FHIT: variants seen among roughly 807,000 people sequenced by gnomAD.
FHIT encodes bis(5'-adenosyl)-triphosphatase.
In FHIT, 19 loss-of-function variants were observed where a neutral mutation model predicts 17.9. That is an observed-to-expected ratio of 1.06 (90% CI 0.74 to 1.56). The LOEUF is 1.56. Ranked by LOEUF, FHIT falls within the 40% of genes most tolerant of loss-of-function variation. The pLI is 0.00. For synonymous variants in FHIT, 81 were observed against 69.7 expected, an observed-to-expected ratio of 1.16 and a Z score of -0.81; for missense variants, 248 against 189.2, an observed-to-expected ratio of 1.31 and a Z score of -1.82.
intron 5 of FHIT, among the ~76,000 whole-genome samples, chr3:60,228,786 T>C (rs1704343582): frequency 6.6e-6 from 1 of 152,204 alleles, no homozygotes; most frequent in Admixed American, 6.5e-5. Flanking sequence ...ACTCCTGGTC[T>C]CTAAGCTTAA....
chr3:60,399,227 G>A (rs1313559687), intron 5 of FHIT, among the ~76,000 whole-genome samples: 2 of 152,102 alleles, frequency 1.3e-5, no homozygotes, highest in Non-Finnish European at 2.9e-5. Flanking sequence ...GGGTTTTTCT[G>A]CAGAAGTTCT....
intron 2 of FHIT, among the ~76,000 whole-genome samples, chr3:61,174,656 T>C (rs2038104455): frequency 6.6e-6 from 1 of 152,240 alleles, no homozygotes; most frequent in Non-Finnish European, 1.5e-5. Flanking sequence ...ATCTGTGTCT[T>C]CAATTGTTGT....
At chr3:60,006,549 A>C (rs1273179947) in intron 7 of FHIT, among the ~76,000 whole-genome samples, 1 of 152,096 alleles carries the variant, frequency 6.6e-6, no homozygotes, top group African/African-American at 2.4e-5. Flanking sequence ...TTCTATATCC[A>C]TGTCCAAATC....
At chr3:60,430,064 A>C (rs1229590337) in intron 5 of FHIT, among the ~76,000 whole-genome samples, 1 of 151,922 alleles carries the variant, frequency 6.6e-6, no homozygotes, top group African/African-American at 2.4e-5. Flanking sequence ...TACACTTTCC[A>C]GGCAAACACA....
chr3:60,088,520 C>T (rs149758649), intron 5 of FHIT, among the ~76,000 whole-genome samples: 65 of 152,242 alleles, frequency 4.3e-4, no homozygotes, highest in African/African-American at 1.5e-3. Flanking sequence ...GTCATGGAAA[C>T]CCCAACTCTA....
At chr3:61,214,826 A>T (rs1226718764) in intron 1 of FHIT, among the ~76,000 whole-genome samples, 1 of 152,242 alleles carries the variant, frequency 6.6e-6, no homozygotes, top group East Asian at 1.9e-4. Context: ...AGTGGGCTTC[A>T]TCCCTGGGAT....
chr3:60,299,949 C>T (rs1326017712), intron 5 of FHIT, among the ~76,000 whole-genome samples: 3 of 152,216 alleles, frequency 2.0e-5, no homozygotes, highest in Admixed American at 6.5e-5. Context: ...TTTCCCAGTC[C>T]TTCACCTACA....
chr3:60,251,715 G>A (rs372644779), intron 5 of FHIT, among the ~76,000 whole-genome samples: 34 of 152,216 alleles, frequency 2.2e-4, no homozygotes, highest in East Asian at 7.8e-4. Flanking sequence ...TCCTTGTCCA[G>A]CGTGTGGGCC....
intron 5 of FHIT, among the ~76,000 whole-genome samples, chr3:60,422,671 C>T (rs241693): frequency 0.41 from 62,158 of 151,928 alleles, 15,405 homozygotes; most frequent in Non-Finnish European, 0.54. Context: ...GCTTTCATTT[C>T]GTAATGGAGA....
intron 3 of FHIT, among the ~76,000 whole-genome samples, chr3:60,943,029 T>A (rs1460748176): frequency 6.6e-6 from 1 of 152,174 alleles, no homozygotes; most frequent in Admixed American, 6.5e-5. Context: ...TTAGTAAATA[T>A]AATTTTTATT....
chr3:60,736,553 A>G (rs1229294678), intron 4 of FHIT, among the ~76,000 whole-genome samples: 2 of 152,234 alleles, frequency 1.3e-5, no homozygotes, highest in Admixed American at 1.3e-4. Context: ...AAGACCACAT[A>G]TCATATGATT....
chr3:60,827,159 T>C (rs1271561138), intron 3 of FHIT, among the ~76,000 whole-genome samples: 5 of 152,184 alleles, frequency 3.3e-5, no homozygotes, highest in African/African-American at 1.2e-4. Flanking sequence ...AGAGAGTCTG[T>C]GAAGGCAAAA....
chr3:61,014,153 G>T (rs1229820398), intron 3 of FHIT, among the ~76,000 whole-genome samples: 2 of 152,098 alleles, frequency 1.3e-5, no homozygotes, highest in Non-Finnish European at 1.5e-5. Flanking sequence ...CCAGCTGTGG[G>T]AATTTGTGTT....
intron 2 of FHIT, among the ~76,000 whole-genome samples, chr3:61,119,929 G>A (rs1399606091): frequency 6.6e-6 from 1 of 152,154 alleles, no homozygotes; most frequent in East Asian, 1.9e-4. Flanking sequence ...TCTCCAGCTT[G>A]CAGACGGCAG....
At chr3:60,604,330 G>A (rs724025) in intron 4 of FHIT, among the ~76,000 whole-genome samples, 46,776 of 152,020 alleles carry the variant, frequency 0.31, 8,217 homozygotes, top group Admixed American at 0.44. Flanking sequence ...GCCTTGGTCA[G>A]CTTCTGGTTG....
chr3:60,030,976 G>A (rs770529854), intron 5 of FHIT, among the ~76,000 whole-genome samples: 5 of 152,104 alleles, frequency 3.3e-5, no homozygotes, highest in Non-Finnish European at 7.3e-5. Context: ...CCCAAGTTAT[G>A]TCCTCAGATA....
chr3:61,150,145 G>GC (rs1244631423), intron 2 of FHIT, among the ~76,000 whole-genome samples: 1 of 152,054 alleles, frequency 6.6e-6, no homozygotes. Flanking sequence ...ACTTTCCTTG[G>GC]ACTCATGGAA....
At chr3:60,803,682 T>C (rs1407906859) in intron 4 of FHIT, among the ~76,000 whole-genome samples, 1 of 152,178 alleles carries the variant, frequency 6.6e-6, no homozygotes, top group East Asian at 1.9e-4. Context: ...TTCCCTTTAA[T>C]CATCCAGATT....
intron 5 of FHIT, among the ~76,000 whole-genome samples, chr3:60,124,007 T>TAGAGAGAGAGAGAGAGAGAGAGAG (rs1559653690): frequency 1.7e-4 from 3 of 17,774 alleles, no homozygotes; most frequent in Non-Finnish European, 2.0e-4. Flanking sequence ...TATATATATA[T>TAGAGAGAGAGAGAGAGAGAGAGAG]ATAGAGAGAG....
Sources: allele counts gnomAD v4.1 joint callset (sites outside exome capture counted in the v4.1 genomes callset), GRCh38; gene constraint gnomAD v4.1.1; transcripts MANE v1.5; gene names NCBI Gene and HGNC (gene_info 2026-07-23, HGNC 2026-07-21).